ZMYM2: variants seen among roughly 807,000 people sequenced by gnomAD.
ZMYM2 encodes the protein zinc finger MYM-type containing 2.
Under a neutral mutation model 162.8 loss-of-function variants are expected in ZMYM2, and 56 were observed. The ratio of observed to expected loss-of-function variants is 0.34; its 90% CI spans 0.28 to 0.43. The LOEUF (loss-of-function observed/expected upper bound fraction) is 0.43. ZMYM2 is among the 20% of genes least tolerant of loss of function. The pLI is 1.00. For missense variants in ZMYM2, 1,275 were observed against 1,621.8 expected (o/e 0.79, Z 3.67); for synonymous variants, 510 against 541.6 (o/e 0.94, Z 0.81).
the ZMYM2 span, among the ~76,000 whole-genome samples, chr13:19,895,974 T>C: frequency 6.6e-6 from 1 of 151,500 alleles, no homozygotes; most frequent in African/African-American, 2.4e-5. Context: ...TTAATGAACC[T>C]TGAAGATGTT....
chr13:20,026,252 T>TA (rs1328089583), intron 7 of ZMYM2: 1 of 159,426 alleles, frequency 6.3e-6, no homozygotes, highest in Non-Finnish European at 1.4e-5. Context: ...TAGCTCCATT[T>TA]AATTGATTTT....
At chr13:19,886,945 A>C in the ZMYM2 span, among the ~76,000 whole-genome samples, 1 of 151,392 alleles carries the variant, frequency 6.6e-6, no homozygotes, top group African/African-American at 2.4e-5. Flanking sequence ...TACAGACATG[A>C]GCCACCATGC....
Position 20,058,720 on chromosome 13 carries a change from G to A in ZMYM2, c.2623+16G>A. 1.2e-6 allele frequency: 2 copies of A among 1,612,472 alleles called. No homozygotes were observed. Among genetic ancestry groups the A allele is most frequent in the Non-Finnish European group, 1.7e-6 (2 of 1,179,192 alleles). ...TGTCAGACAGGTAACTTAGGACAAT[G>A]TGACTTACATACTTCCCCATACCTT... On this transcript the variant is annotated intron_variant, in intron 15 of 24. Coordinates refer to ENST00000610343, the MANE Select transcript of ZMYM2 (RefSeq NM_197968.4).
intron 13 of ZMYM2, 33 bp from the exon 14 acceptor site, chr13:20,052,240 GTATT>G: frequency 1.3e-6 from 2 of 1,503,500 alleles, no homozygotes; most frequent in Non-Finnish European, 1.8e-6. Context: ...TGAAGAAAGA[GTATT>G]TGTCTTATTT....
chr13:20,003,385 A>G (rs1156675300), intron 4 of ZMYM2, among the ~76,000 whole-genome samples: 1 of 152,224 alleles, frequency 6.6e-6, no homozygotes, highest in Non-Finnish European at 1.5e-5. Context: ...ATGATTAATG[A>G]GAAGAAATTA....
the ZMYM2 span, among the ~76,000 whole-genome samples, chr13:19,875,997 A>G: frequency 6.6e-6 from 1 of 151,954 alleles, no homozygotes; most frequent in East Asian, 1.9e-4. Context: ...AAATAAATAA[A>G]TAAAATTGGC....
chr13:19,939,731 A>G, the ZMYM2 span, among the ~76,000 whole-genome samples: 3 of 152,242 alleles, frequency 2.0e-5, no homozygotes, highest in South Asian at 2.1e-4. Context: ...ATTAGCCATG[A>G]AAAAGAATGA....
chr13:19,985,501 A>G (rs1306376394), intron 2 of ZMYM2, among the ~76,000 whole-genome samples: 1 of 150,434 alleles, frequency 6.6e-6, no homozygotes, highest in Non-Finnish European at 1.5e-5. Flanking sequence ...TGTATTTTGA[A>G]TATTGATTTG....
At chr13:19,912,446 C>T in the ZMYM2 span, among the ~76,000 whole-genome samples, 1 of 151,976 alleles carries the variant, frequency 6.6e-6, no homozygotes, top group African/African-American at 2.4e-5. Flanking sequence ...GATCCTCCCA[C>T]CTCAGCCTCA....
chr13:20,032,595 C>CTTTTTTTTTTTTTTTTTTTTT (rs1566350627), intron 10 of ZMYM2, among the ~76,000 whole-genome samples: 1 of 96,380 alleles, frequency 1.0e-5, no homozygotes, highest in Non-Finnish European at 2.2e-5. Flanking sequence ...GATTTTTTTT[C>CTTTTTTTTTTTTTTTTTTTTT]TGTCTTTTTT....
chr13:19,970,755 C>T (rs529618279), intron 2 of ZMYM2, among the ~76,000 whole-genome samples: 26 of 152,274 alleles, frequency 1.7e-4, no homozygotes, highest in Non-Finnish European at 1.8e-4. Flanking sequence ...ATGGACCTTG[C>T]AGTCTTCTGG....
intron 3 of ZMYM2, among the ~76,000 whole-genome samples, chr13:19,996,813 G>T (rs1950051221): frequency 6.6e-6 from 1 of 152,196 alleles, no homozygotes; most frequent in South Asian, 2.1e-4. Flanking sequence ...TTTAAGTCTG[G>T]GAGATCAAGG....
At chr13:19,878,056 C>CTT in the ZMYM2 span, among the ~76,000 whole-genome samples, 501 of 144,754 alleles carry the variant, frequency 3.5e-3, 4 homozygotes, top group Admixed American at 6.9e-3. Flanking sequence ...TTTTTGATTA[C>CTT]TTTTTTTTTT....
At chr13:20,081,139 AAT>A (rs1418335685) in intron 21 of ZMYM2, among the ~76,000 whole-genome samples, 1 of 152,180 alleles carries the variant, frequency 6.6e-6, no homozygotes, top group Non-Finnish European at 1.5e-5. Flanking sequence ...CCTTTGAATT[AAT>A]ATGTTTTGTG....
chr13:20,077,080 G>T (rs559426251), intron 21 of ZMYM2, among the ~76,000 whole-genome samples: 3 of 150,188 alleles, frequency 2.0e-5, no homozygotes, highest in Non-Finnish European at 2.9e-5. Context: ...GAGCCACCAC[G>T]CCTGGCCTCT....
intron 24 of ZMYM2, 119 bp downstream of exon 24, chr13:20,083,895 G>C (rs1409908541): frequency 2.0e-5 from 20 of 1,010,066 alleles, no homozygotes; most frequent in Non-Finnish European, 2.9e-5. Flanking sequence ...TTCTCTCTCA[G>C]TTATACCCAA....
intron 12 of ZMYM2, among the ~76,000 whole-genome samples, chr13:20,050,577 CG>C (rs1200144851): frequency 6.6e-5 from 10 of 151,808 alleles, no homozygotes; most frequent in South Asian, 2.1e-4. Flanking sequence ...GAAATTACAT[CG>C]TTTTTCTGTA....
At chr13:20,006,326 C>CTT (rs1950746921) in intron 5 of ZMYM2, 48 bp from the exon 6 acceptor site, 1 of 1,492,900 alleles carries the variant, frequency 6.7e-7, no homozygotes, top group Non-Finnish European at 9.0e-7. Flanking sequence ...TATTTAGCTA[C>CTT]TTGTCAGATT....
the ZMYM2 span, among the ~76,000 whole-genome samples, chr13:19,868,625 T>C: frequency 1.3e-5 from 2 of 152,218 alleles, no homozygotes; most frequent in Admixed American, 1.3e-4. Flanking sequence ...GAATATGTTA[T>C]ATTAGCATTA....
Sources: allele counts gnomAD v4.1 joint callset (sites outside exome capture counted in the v4.1 genomes callset), GRCh38; gene constraint gnomAD v4.1.1; transcripts MANE v1.5; gene names NCBI Gene and HGNC (gene_info 2026-07-23, HGNC 2026-07-21).